The following ACOT7 variants were observed in gnomAD, a reference collection of about 807,000 sequenced individuals.
ACOT7 encodes the protein cytosolic acyl coenzyme A thioester hydrolase.
A neutral mutation model predicts 40.2 loss-of-function variants in ACOT7; 12 were observed. That is an observed-to-expected ratio of 0.30 (90% CI 0.19 to 0.48). The LOEUF (loss-of-function observed/expected upper bound fraction) is 0.48. ACOT7 is among the 20% of genes least tolerant of loss of function. The pLI is 0.99. For synonymous variants in ACOT7, 228 were observed against 219.5 expected (o/e 1.04, Z -0.34); for missense variants, 395 against 530.8 (o/e 0.74, Z 2.51).
intron 1 of ACOT7, among the ~76,000 whole-genome samples, chr1:6,382,538 G>A (rs183352337): frequency 1.1e-4 from 16 of 151,998 alleles, no homozygotes; most frequent in Admixed American, 1.3e-4. Flanking sequence ...GTAGCCAGGC[G>A]CTGTGACTCA....
In ACOT7 at chr1:6,375,137, C is replaced by T. The variant is rs1210947734; in HGVS notation, c.143+18120G>A. Among the ~76,000 whole-genome samples, 8 of 151,274 alleles carry T rather than the reference C, an allele frequency of 5.3e-5. No individual in the cohort carries two copies. In the East Asian group the frequency reaches 1.6e-3, roughly 30 times the overall value. On this transcript the variant is annotated intron_variant, in intron 1 of 8. Transcript: ENST00000361521. ...CTAAAAATACAAAAAATTAGCCGGG[C>T]GTGGTGGCGGGCGCCTGTAGGAGGC...
At chr1:6,360,700 TG>T in intron 1 of ACOT7, 1 of 1,613,684 alleles carries the variant, frequency 6.2e-7, no homozygotes, top group Non-Finnish European at 8.5e-7. Flanking sequence ...TGCAGCCAAA[TG>T]GAACTCAAGG....
intron 1 of ACOT7, among the ~76,000 whole-genome samples, chr1:6,368,052 C>T (rs893051818): frequency 1.3e-5 from 2 of 152,078 alleles, no homozygotes; most frequent in African/African-American, 4.8e-5. Context: ...TTATGGGCCT[C>T]AGAGTGGAGG....
chr1:6,294,328 A>G lies in ACOT7; in HGVS notation c.829+536T>C, dbSNP rs564500466. 4.2e-4 allele frequency among the ~76,000 whole-genome samples: 64 copies of G among 152,356 alleles called. No homozygotes were observed. The highest frequency in any genetic ancestry group is 1.5e-3 in the African/African-American group (61 of 41,582). ...CCTGTCAAGCTGGCACACATACCCC[A>G]GGGACAGCTGACACCATTTCCAGGC... On this transcript the variant is annotated intron_variant, in intron 7 of 8. Transcript: ENST00000361521. The surrounding 1 kb of genome is among the most constrained non-coding windows in gnomAD (Gnocchi z 4.6).
chr1:6,315,753 TAAAAAAA>T (rs61115908), intron 6 of ACOT7, among the ~76,000 whole-genome samples: 14 of 83,608 alleles, frequency 1.7e-4, no homozygotes, highest in African/African-American at 1.5e-4. Flanking sequence ...AGACTCTGTC[TAAAAAAA>T]AAAAAAAAAA....
chr1:6,354,653 C>T (rs1376425608), intron 1 of ACOT7, among the ~76,000 whole-genome samples: 14 of 131,530 alleles, frequency 1.1e-4, no homozygotes, highest in Non-Finnish European at 2.3e-4. Context: ...ACTGGCCTCT[C>T]ACCCCCCGTG....
At chr1:6,295,981 G>A (rs539494961) in intron 6 of ACOT7, among the ~76,000 whole-genome samples, 3 of 152,052 alleles carry the variant, frequency 2.0e-5, no homozygotes, top group South Asian at 2.1e-4. Context: ...TCAGCTCATC[G>A]CAGCCTCAAC....
intron 1 of ACOT7, among the ~76,000 whole-genome samples, chr1:6,379,044 C>T (rs1642287681): frequency 6.6e-6 from 1 of 151,778 alleles, no homozygotes; most frequent in African/African-American, 2.4e-5. Context: ...TACAGGCGCC[C>T]GCCATCACGC....
chr1:6,295,138 G>A (rs1246737109), intron 6 of ACOT7, 158 bp from the exon 7 acceptor site: 1 of 561,418 alleles, frequency 1.8e-6, no homozygotes. Flanking sequence ...ACGTGCTGTG[G>A]CTCACGCGCT....
intron 1 of ACOT7, among the ~76,000 whole-genome samples, chr1:6,368,182 G>A (rs1378585990): frequency 6.6e-6 from 1 of 152,118 alleles, no homozygotes; most frequent in Non-Finnish European, 1.5e-5. Flanking sequence ...TGAAGGTGAG[G>A]CTTCACTGGG....
In ACOT7 at chr1:6,363,521, C is replaced by T. The variant is rs191006130; in HGVS notation, c.144-13655G>A. Among the ~76,000 whole-genome samples, 335 of 152,304 alleles carry T rather than the reference C, an allele frequency of 2.2e-3. 1 individual carries two copies. The highest frequency in any genetic ancestry group is 0.01 in the Middle Eastern group (3 of 294). ...CCACTTTCATGTTCCATCCTGCACACCTGGCTCTGCCTTTTAGATAACAGT... is the reference window on the plus strand; with the variant it reads ...CCACTTTCATGTTCCATCCTGCACATCTGGCTCTGCCTTTTAGATAACAGT... On this transcript the variant is annotated intron_variant, in intron 1 of 8. Transcript: ENST00000361521.
chr1:6,275,346 C>T lies in ACOT7; in HGVS notation c.1014+5756G>A, dbSNP rs980312425. On this transcript the variant is annotated intron_variant, in intron 8 of 8. Coordinates refer to ENST00000361521, the MANE Select transcript of ACOT7 (RefSeq NM_007274.4). This position sits in a 1 kb window ranked among gnomAD's most constrained non-coding sequence, Gnocchi z 5.6. Reference sequence around the variant, plus strand: ...GGGCCTCTTCTAGGTCGGGGCACGTCAGAGCGGACAAAGCTCAACAGGGTG... The same window carrying T: ...GGGCCTCTTCTAGGTCGGGGCACGTTAGAGCGGACAAAGCTCAACAGGGTG... Among the ~76,000 whole-genome samples, 86 of 152,332 alleles carry T rather than the reference C, an allele frequency of 5.6e-4. No homozygotes were observed. Among genetic ancestry groups the T allele is most frequent in the African/African-American group, 1.9e-3 (77 of 41,576 alleles).
intron 1 of ACOT7, among the ~76,000 whole-genome samples, chr1:6,373,448 G>T (rs1413154338): frequency 1.3e-5 from 2 of 151,566 alleles, no homozygotes; most frequent in Admixed American, 1.3e-4. Flanking sequence ...ATGGGGTTTC[G>T]CCATGTTGGC....
intron 1 of ACOT7, among the ~76,000 whole-genome samples, chr1:6,362,926 CT>C (rs534632958): frequency 3.2e-4 from 49 of 152,240 alleles, no homozygotes; most frequent in African/African-American, 1.1e-3. Flanking sequence ...GTGGTGAGCA[CT>C]GCGGGTGGCA....
At chr1:6,336,789 C>T (rs948661683) in intron 3 of ACOT7, among the ~76,000 whole-genome samples, 1 of 152,174 alleles carries the variant, frequency 6.6e-6, no homozygotes, top group Non-Finnish European at 1.5e-5. Context: ...CCAGGGGACA[C>T]ATGGGCAGAG....
In ACOT7 at chr1:6,355,869, C is replaced by G. The variant is rs993410259; in HGVS notation, c.144-6003G>C. ...AGGCGCCTGGAACAATTGAGGGGAG[C>G]CTGGCAGGGAGGGGAGCCGCTCCTG... On this transcript the variant is annotated intron_variant, in intron 1 of 8. Transcript: ENST00000361521. The surrounding 1 kb of genome is among the most constrained non-coding windows in gnomAD (Gnocchi z 5.0). 5.9e-5 allele frequency among the ~76,000 whole-genome samples: 9 copies of G among 152,022 alleles called. No individual in the cohort carries two copies. The highest frequency in any genetic ancestry group is 1.3e-4 in the Admixed American group (2 of 15,270).
In ACOT7 at chr1:6,358,652, G is replaced by A. The variant is rs1641815781; in HGVS notation, c.144-8786C>T. ...GCTGACCACCTAATCTTGGGGGTCA[G>A]TAAGAGCCAGGCCAGGTGGGTGCCC... On this transcript the variant is annotated intron_variant, in intron 1 of 8. Transcript: ENST00000361521. The surrounding 1 kb of genome is among the most constrained non-coding windows in gnomAD (Gnocchi z 4.1). Among the ~76,000 whole-genome samples the A allele has an allele frequency of 6.6e-6, 1 of 152,220 alleles. No homozygotes were observed. Among genetic ancestry groups the A allele is most frequent in the Non-Finnish European group, 1.5e-5 (1 of 68,036 alleles).
At chr1:6,303,891 A>G (rs1640040683) in intron 6 of ACOT7, among the ~76,000 whole-genome samples, 1 of 152,166 alleles carries the variant, frequency 6.6e-6, no homozygotes, top group Non-Finnish European at 1.5e-5. Context: ...GATTCCTTAC[A>G]TTCTATAGAG....
At chr1:6,365,401 TA>T (rs1641982493) in intron 1 of ACOT7, among the ~76,000 whole-genome samples, 1 of 152,106 alleles carries the variant, frequency 6.6e-6, no homozygotes, top group East Asian at 1.9e-4. Context: ...CCAGTGCACG[TA>T]AAAGTTACAC....
Sources: gnomAD v4.1 joint callset for allele counts (sites outside exome capture counted in the v4.1 genomes callset) on GRCh38, gnomAD v4.1.1 for gene constraint, Gnocchi (gnomAD v3.1) non-coding constraint, MANE v1.5 for transcripts, NCBI Gene and HGNC (gene_info 2026-07-23, HGNC 2026-07-21) for gene names.